The following PRKACB variants were observed in gnomAD, a reference collection of about 807,000 sequenced individuals.
The protein encoded by PRKACB is protein kinase cAMP-activated catalytic subunit beta, also known as cAMP-dependent protein kinase catalytic subunit beta.
Under a neutral mutation model 51.4 loss-of-function variants are expected in PRKACB, and 16 were observed. That is an observed-to-expected ratio of 0.31 (90% CI 0.21 to 0.47). PRKACB has a LOEUF of 0.47. Among genes scored for constraint, PRKACB ranks in the 20% least tolerant of loss-of-function variants. The probability of loss-of-function intolerance (pLI) is 1.00; values close to 1 mark genes in which losing one functional copy is unlikely to be tolerated. For missense variants in PRKACB, 309 were observed against 464.5 expected (o/e 0.67, Z 3.08); for synonymous variants, 147 against 154.4 (o/e 0.95, Z 0.35).
rs142395327 is a variant in PRKACB, at chr1:84,083,690, G to A, written c.46+5319G>A. On this transcript the variant is annotated intron_variant, in intron 1 of 8. Transcript: ENST00000370688. ...ATCTAGGTGATAAATGTTTGTATAC[G>A]TGGGTGATCAAATTTCCTCAGATTA... 5.9e-5 allele frequency among the ~76,000 whole-genome samples: 9 copies of A among 152,228 alleles called. No individual in the cohort carries two copies. In the East Asian group the frequency reaches 1.3e-3, roughly 23 times the overall value.
At chr1:84,219,173 G>C (rs111589694) in intron 9 of PRKACB, among the ~76,000 whole-genome samples, 1 of 149,006 alleles carries the variant, frequency 6.7e-6, no homozygotes, top group Non-Finnish European at 1.5e-5. Context: ...TTTTGTTTTT[G>C]TTGCTTGTAC....
Position 84,202,587 on chromosome 1 carries a change from T to G in PRKACB, c.784-96T>G, listed in dbSNP as rs1256763864. The stretch of plus-strand genomic sequence containing the variant: ...TGCTCAGCAATTGCTTTAAAAAAAT[T>G]TTTATATGCTTCCAGATCATTTTGA... On this transcript the variant is annotated intron_variant, in intron 7 of 9. Transcript: ENST00000370685. The G allele has an allele frequency of 6.7e-6, 9 of 1,336,442 alleles. No homozygotes were observed. The African/African-American group carries it at 1.0e-4, about 15-fold the overall frequency. The allele number at this position is 1,336,442 out of a possible 1,614,324, so 82.8% of individuals were successfully genotyped here. A position where few individuals can be genotyped will look rare whatever the true frequency, so the allele number is the denominator to read the frequency against.
rs1019371726 is a variant in PRKACB at position 84,238,002 on chromosome 1, A to G, written c.*2697A>G. ...GGTATATTGCTTTGAAGTAAGTCTCAATAAGGCAATATATTTTAGGGCATC... is the reference window on the plus strand; with the variant it reads ...GGTATATTGCTTTGAAGTAAGTCTCGATAAGGCAATATATTTTAGGGCATC... On this transcript the variant is annotated 3_prime_UTR_variant, in exon 10 of 10. Transcript: ENST00000370685. 6.6e-6 allele frequency: 1 copy of G among 152,166 alleles called. No individual in the cohort carries two copies. Among genetic ancestry groups the G allele is most frequent in the Non-Finnish European group, 1.5e-5 (1 of 67,996 alleles). 9.4% of individuals were successfully genotyped at this position (152,166 alleles called of 1,614,324 possible). A position where few individuals can be genotyped will look rare whatever the true frequency, so the allele number is the denominator to read the frequency against.
At chr1:84,218,562 G>A (rs955213864) in intron 9 of PRKACB, among the ~76,000 whole-genome samples, 1 of 152,100 alleles carries the variant, frequency 6.6e-6, no homozygotes, top group African/African-American at 2.4e-5. Context: ...TGTGTTGAAG[G>A]ACACTTAGGT....
intron 1 of PRKACB, among the ~76,000 whole-genome samples, chr1:84,110,218 A>G (rs968894546): frequency 4.6e-5 from 7 of 152,004 alleles, no homozygotes; most frequent in Admixed American, 6.6e-5. Context: ...CAATACAACA[A>G]TATGAAATAA....
intron 1 of PRKACB, among the ~76,000 whole-genome samples, chr1:84,100,291 T>C (rs902091537): frequency 6.6e-6 from 1 of 151,978 alleles, no homozygotes; most frequent in Non-Finnish European, 1.5e-5. Flanking sequence ...TCCCACTGGG[T>C]CCCTCCCTCA....
At chr1:84,094,072 T>G (rs1648734666) in intron 1 of PRKACB, among the ~76,000 whole-genome samples, 1 of 152,046 alleles carries the variant, frequency 6.6e-6, no homozygotes, top group African/African-American at 2.4e-5. Flanking sequence ...TTTTTCCTTT[T>G]AGTCCTTATA....
intron 1 of PRKACB, chr1:84,086,262 C>T (rs1483854277): frequency 1.4e-6 from 2 of 1,427,926 alleles, no homozygotes; most frequent in Non-Finnish European, 2.0e-6. Context: ...GGTTCCCTTG[C>T]CCCCATGGGA....
At chr1:84,230,654 T>C (rs1194431634) in intron 9 of PRKACB, among the ~76,000 whole-genome samples, 21 of 150,938 alleles carry the variant, frequency 1.4e-4, no homozygotes, top group Admixed American at 7.9e-4. Context: ...TCACATCCCT[T>C]GTAAGTTGGA....
At chr1:84,078,132 C>A, upstream of PRKACB, 1 of 505,242 alleles carries the variant, frequency 2.0e-6, no homozygotes, top group South Asian at 5.1e-5. Context: ...CTGCTGCTGC[C>A]GGTGCTAAGG....
intron 5 of PRKACB, among the ~76,000 whole-genome samples, chr1:84,190,152 G>A (rs905438488): frequency 6.6e-6 from 1 of 151,544 alleles, no homozygotes; most frequent in Non-Finnish European, 1.5e-5. Flanking sequence ...TTGACTACTA[G>A]ACCTCAATAT....
At chr1:84,211,204 C>G (rs1471408391) in intron 8 of PRKACB, among the ~76,000 whole-genome samples, 2 of 151,910 alleles carry the variant, frequency 1.3e-5, no homozygotes, top group African/African-American at 4.8e-5. Flanking sequence ...TAAAGAATTA[C>G]ATTATTTAGA....
In PRKACB at chr1:84,214,133, C is replaced by T; in HGVS notation, c.907-20C>T. The T allele has an allele frequency of 1.3e-6, 2 of 1,576,428 alleles. No homozygotes were observed. The highest frequency in any genetic ancestry group is 1.2e-5 in the South Asian group (1 of 84,320). On this transcript the variant is annotated intron_variant, in intron 8 of 9. Transcript: ENST00000370685. ...ATGAGTCTTAGAATGTGTGTTTTACCAAATGGTGTGTTTGTGTAGGTCCGA... is the reference window on the plus strand; with the variant it reads ...ATGAGTCTTAGAATGTGTGTTTTACTAAATGGTGTGTTTGTGTAGGTCCGA...
chr1:84,094,627 A>G (rs568089202), intron 1 of PRKACB, among the ~76,000 whole-genome samples: 2 of 152,064 alleles, frequency 1.3e-5, no homozygotes, highest in East Asian at 1.9e-4. Flanking sequence ...CTTTATAGCC[A>G]TATACAGTAG....
chr1:84,193,295 G>T (rs1433381175), intron 5 of PRKACB, among the ~76,000 whole-genome samples: 6 of 152,066 alleles, frequency 3.9e-5, no homozygotes, highest in Admixed American at 3.9e-4. Context: ...CTCCAATGGG[G>T]GTACTTCATG....
At chr1:84,096,201 T>G (rs941058470) in intron 1 of PRKACB, among the ~76,000 whole-genome samples, 3 of 152,040 alleles carry the variant, frequency 2.0e-5, no homozygotes, top group Admixed American at 6.6e-5. Flanking sequence ...TGGTTTTGAC[T>G]GAAGGCCTGG....
In PRKACB at chr1:84,169,709, A is replaced by G. The variant is rs1412832579; in HGVS notation, c.188-9468A>G. On this transcript the variant is annotated intron_variant, in intron 1 of 9. Coordinates refer to ENST00000370685, the MANE Select transcript of PRKACB (RefSeq NM_182948.4). ...GAACAGAAAAGCAGTAATCAAAAAT[A>G]TGATTCAGGAAAACTTGTTAGTTGA... Among the ~76,000 whole-genome samples the G allele has an allele frequency of 9.7e-4, 148 of 151,830 alleles. 2 individuals are homozygous for G. The highest frequency in any genetic ancestry group is 5.9e-5 in the Non-Finnish European group (4 of 67,756).
intron 1 of PRKACB, among the ~76,000 whole-genome samples, chr1:84,103,915 A>G: frequency 6.6e-6 from 1 of 152,172 alleles, no homozygotes; most frequent in Non-Finnish European, 1.5e-5. Context: ...ATGTGTAATG[A>G]TCAAATCAGG....
intron 1 of PRKACB, among the ~76,000 whole-genome samples, chr1:84,083,396 T>C (rs1410932863): frequency 7.2e-6 from 1 of 138,040 alleles, no homozygotes; most frequent in Non-Finnish European, 1.7e-5. Flanking sequence ...ATTTTTCTTA[T>C]TCTCCTCCTC....
Sources: gnomAD v4.1 joint callset for allele counts (sites outside exome capture counted in the v4.1 genomes callset) on GRCh38, gnomAD v4.1.1 for gene constraint, MANE v1.5 for transcripts, NCBI Gene and HGNC (gene_info 2026-07-23, HGNC 2026-07-21) for gene names.